CAMKMT: variants seen among roughly 807,000 people sequenced by gnomAD.
CAMKMT encodes the protein CaM KMT.
A neutral mutation model predicts 48.0 loss-of-function variants in CAMKMT; 53 were observed. The observed-to-expected ratio is 1.10, with a 90% confidence interval of 0.89 to 1.39. The LOEUF (loss-of-function observed/expected upper bound fraction) is 1.39, where lower values mean the gene tolerates loss of function less well. Among genes scored for constraint, CAMKMT ranks in the 40% most tolerant of loss-of-function variants. The pLI, the probability that CAMKMT is intolerant of heterozygous loss-of-function variation, is 0.00. For synonymous variants in CAMKMT, 165 were observed against 152.3 expected (o/e 1.08, Z -0.61); for missense variants, 428 against 402.7 (o/e 1.06, Z -0.54).
chr2:44,434,199 C>A lies in CAMKMT; in HGVS notation c.376+43894C>A, dbSNP rs1684814262. On this transcript the variant is annotated intron_variant, in intron 3 of 10. Coordinates refer to ENST00000378494, the MANE Select transcript of CAMKMT (RefSeq NM_024766.5). ...GAATGAAAAGAAACCAAGTATTCAA[C>A]TGTGGGCTGCTGTACGTTTGTGAGG... is the stretch of plus-strand genomic sequence containing the variant. Among the ~76,000 whole-genome samples, 4 of 149,984 alleles carry A rather than the reference C, an allele frequency of 2.7e-5. No individual in the cohort carries two copies. The Admixed American group carries it at 2.7e-4, about 10-fold the overall frequency.
At chr2:44,542,558 T>TCTCTCTCTCTCTC in intron 3 of CAMKMT, among the ~76,000 whole-genome samples, 1 of 50,100 alleles carries the variant, frequency 2.0e-5, no homozygotes, top group South Asian at 7.3e-4. Context: ...CTCTCTCTCT[T>TCTCTCTCTCTCTC]TCTCTCTCCA....
intron 3 of CAMKMT, among the ~76,000 whole-genome samples, chr2:44,570,426 A>T (rs1353742182): frequency 2.6e-5 from 4 of 152,214 alleles, no homozygotes; most frequent in African/African-American, 4.8e-5. Context: ...TAAATCTGTT[A>T]GAGGAATAGA....
chr2:44,576,256 A>T (rs1268647193), intron 3 of CAMKMT, among the ~76,000 whole-genome samples: 1 of 151,802 alleles, frequency 6.6e-6, no homozygotes, highest in Non-Finnish European at 1.5e-5. Flanking sequence ...TGAACCCAGG[A>T]AGCAGAGGTT....
chr2:44,456,683 A>G, intron 3 of CAMKMT: 1 of 1,410,314 alleles, frequency 7.1e-7, no homozygotes, highest in Non-Finnish European at 9.7e-7. Context: ...GTTTTGGCCA[A>G]GGCATCCTAC....
intron 4 of CAMKMT, among the ~76,000 whole-genome samples, chr2:44,705,819 A>G (rs914706558): frequency 6.6e-6 from 1 of 152,098 alleles, no homozygotes; most frequent in African/African-American, 2.4e-5. Context: ...GATTGCATCT[A>G]TTTATTTTGT....
chr2:44,744,471 A>G (rs995564494), intron 8 of CAMKMT, among the ~76,000 whole-genome samples: 5 of 152,194 alleles, frequency 3.3e-5, no homozygotes, highest in Non-Finnish European at 7.4e-5. Flanking sequence ...TGCAGTTTGA[A>G]TAATAATTAT....
intron 3 of CAMKMT, among the ~76,000 whole-genome samples, chr2:44,522,461 C>G (rs139846719): frequency 2.2e-3 from 342 of 152,282 alleles, no homozygotes; most frequent in Non-Finnish European, 3.5e-3. Context: ...TCCTTGTAAA[C>G]CTGCTGTGGG....
At chr2:44,631,384 A>G (rs1672816283) in intron 3 of CAMKMT, 1 of 432,202 alleles carries the variant, frequency 2.3e-6, no homozygotes, top group Non-Finnish European at 4.0e-6. Context: ...GTACCCTAAA[A>G]CTTAAAGTAT....
At chr2:44,411,979 ATTTT>A (rs541645446) in intron 3 of CAMKMT, among the ~76,000 whole-genome samples, 22 of 91,834 alleles carry the variant, frequency 2.4e-4, no homozygotes, top group African/African-American at 8.7e-4. Context: ...ATTCTCTTCA[ATTTT>A]TTTTTTTTTT....
At chr2:44,714,501 T>C (rs1346439115) in intron 6 of CAMKMT, among the ~76,000 whole-genome samples, 1 of 152,220 alleles carries the variant, frequency 6.6e-6, no homozygotes, top group Non-Finnish European at 1.5e-5. Flanking sequence ...CTTTCTTCAG[T>C]AATTCATTTT....
intron 3 of CAMKMT, among the ~76,000 whole-genome samples, chr2:44,523,312 A>C (rs1477887921): frequency 8.0e-6 from 1 of 124,234 alleles, no homozygotes; most frequent in Non-Finnish European, 1.7e-5. Context: ...TTTTTTTTGG[A>C]GACAGAGTCT....
At chr2:44,758,916 C>T (rs1479872809) in intron 9 of CAMKMT, among the ~76,000 whole-genome samples, 1 of 152,218 alleles carries the variant, frequency 6.6e-6, no homozygotes, top group African/African-American at 2.4e-5. Flanking sequence ...AACCAGACAG[C>T]ATGAGTTTAC....
intron 3 of CAMKMT, among the ~76,000 whole-genome samples, chr2:44,445,306 G>A (rs555244601): frequency 6.6e-6 from 1 of 152,098 alleles, no homozygotes; most frequent in South Asian, 2.1e-4. Context: ...AGGGAAAGAG[G>A]ACTCACTTCC....
chr2:44,766,258 T>C (rs987965584), intron 9 of CAMKMT, among the ~76,000 whole-genome samples, 172 bp from the exon 10 acceptor site: 7 of 152,250 alleles, frequency 4.6e-5, no homozygotes, highest in African/African-American at 1.7e-4. Flanking sequence ...TTATATGATA[T>C]ACATCTCTCC....
chr2:44,636,772 G>A (rs901708564), intron 3 of CAMKMT, among the ~76,000 whole-genome samples: 4 of 152,120 alleles, frequency 2.6e-5, no homozygotes, highest in Non-Finnish European at 4.4e-5. Context: ...TTACCAATTG[G>A]AAAACTATGA....
chr2:44,499,149 C>G (rs1669892774), intron 3 of CAMKMT, among the ~76,000 whole-genome samples: 1 of 152,142 alleles, frequency 6.6e-6, no homozygotes, highest in African/African-American at 2.4e-5. Flanking sequence ...TAGAATACAT[C>G]TAATCATTTA....
At chr2:44,414,496 G>T (rs1219396137) in intron 3 of CAMKMT, among the ~76,000 whole-genome samples, 1 of 152,172 alleles carries the variant, frequency 6.6e-6, no homozygotes, top group Non-Finnish European at 1.5e-5. Context: ...TTTTCACCCT[G>T]TGGGCCTTCC....
chr2:44,577,488 A>G (rs1433112484), intron 3 of CAMKMT, among the ~76,000 whole-genome samples: 10 of 152,060 alleles, frequency 6.6e-5, no homozygotes, highest in Non-Finnish European at 1.5e-5. Flanking sequence ...GTGTGGTAGT[A>G]CATGCCTATA....
At chr2:44,594,723 A>C (rs2103832619) in intron 3 of CAMKMT, among the ~76,000 whole-genome samples, 1 of 152,338 alleles carries the variant, frequency 6.6e-6, no homozygotes, top group East Asian at 1.9e-4. Flanking sequence ...AAGAAAACCT[A>C]GGCAATGCCA....
Sources: gnomAD v4.1 joint callset for allele counts (sites outside exome capture counted in the v4.1 genomes callset) on GRCh38, gnomAD v4.1.1 for gene constraint, MANE v1.5 for transcripts, NCBI Gene and HGNC (gene_info 2026-07-23, HGNC 2026-07-21) for gene names.